The following ZNF334 variants were observed in gnomAD, a reference collection of about 807,000 sequenced individuals.
The protein encoded by ZNF334 is zinc finger protein 334.
In ZNF334, 14 loss-of-function variants were observed where a neutral mutation model predicts 12.4. That is an observed-to-expected ratio of 1.13 (90% confidence interval 0.74 to 1.76). ZNF334 has a LOEUF of 1.76. Among genes scored for constraint, ZNF334 ranks in the 40% most tolerant of loss-of-function variants. The probability of loss-of-function intolerance (pLI) is 0.00; values close to 1 mark genes in which losing one functional copy is unlikely to be tolerated. For synonymous variants in ZNF334, 273 were observed against 269.6 expected (o/e 1.01, Z -0.12); for missense variants, 797 against 804.5 (o/e 0.99, Z 0.11).
At chr20:46,471,783 C>T in the ZNF334 span, among the ~76,000 whole-genome samples, 2 of 152,046 alleles carry the variant, frequency 1.3e-5, no homozygotes, top group Non-Finnish European at 2.9e-5. Flanking sequence ...TTGTTTCTTT[C>T]CTTTAATTAT....
downstream of ZNF334, among the ~76,000 whole-genome samples, chr20:46,498,605 G>A (rs1018068137): frequency 2.0e-5 from 3 of 152,174 alleles, no homozygotes; most frequent in Non-Finnish European, 2.9e-5. Flanking sequence ...CAATGAGATA[G>A]TAAATGTTTA....
Position 46,502,682 on chromosome 20 carries a change from G to C in ZNF334, c.657C>G (p.Phe219Leu), listed in dbSNP as rs767378245. 1 of 1,612,748 alleles carries C rather than the reference G, an allele frequency of 6.2e-7. No homozygotes were observed. The highest frequency in any genetic ancestry group is 1.7e-5 in the Admixed American group (1 of 59,990). The change falls in exon 5 of 5, where the codon TTC becomes TTG. Residue 219 changes from phenylalanine (F) to leucine (L), a missense_variant. Phe to Leu is a conservative substitution (Grantham distance 22). Transcript: ENST00000692313. ...FDYNKCGKTF[F>L]KRAILITQKG... Reference sequence around the variant, plus strand: ...TTTGTGTAATGAGAATTGCCCTCTTGAAGAAGGTTTTCCCACATTTATTAT... The same window carrying C: ...TTTGTGTAATGAGAATTGCCCTCTTCAAGAAGGTTTTCCCACATTTATTAT...
chr20:46,502,124 A>G lies in ZNF334; in HGVS notation c.1215T>C (p.Tyr405=), dbSNP rs200619872. Reference sequence around the variant, plus strand: ...AGGTTTTCTCACATTCACTACATTCATAGGGTTTTTCCCCTGTGTGAATTC... The same window carrying G: ...AGGTTTTCTCACATTCACTACATTCGTAGGGTTTTTCCCCTGTGTGAATTC... ...HQRIHTGEKP[Y]ECSECEKTFF... Residue 405 remains tyrosine (Y), a synonymous_variant, in exon 5 of 5, where the codon TAT becomes TAC. Transcript: ENST00000692313. The G allele has an allele frequency of 2.4e-5, 38 of 1,614,196 alleles. No individual in the cohort carries two copies. In the Admixed American group the frequency reaches 3.7e-4, roughly 16 times the overall value.
At chr20:46,506,368 A>G (rs2061431687) in intron 2 of ZNF334, 5 of 607,206 alleles carry the variant, frequency 8.2e-6, no homozygotes, top group Non-Finnish European at 1.2e-5. Flanking sequence ...GCGCACACCT[A>G]TAATCCCAGC....
the ZNF334 span, among the ~76,000 whole-genome samples, chr20:46,482,859 T>A: frequency 6.6e-6 from 1 of 152,194 alleles, no homozygotes. Context: ...CAGTGTGAAT[T>A]GTCCTGTTTT....
chr20:46,465,935 C>T, the ZNF334 span, among the ~76,000 whole-genome samples: 5 of 150,572 alleles, frequency 3.3e-5, no homozygotes, highest in African/African-American at 9.8e-5. Context: ...GCCTGAGCGA[C>T]AGAGCGAAAC....
chr20:46,468,231 T>C, the ZNF334 span, among the ~76,000 whole-genome samples: 883 of 151,910 alleles, frequency 5.8e-3, 6 homozygotes, highest in African/African-American at 0.02. Context: ...AGGTGGTGTG[T>C]CCAGAGTAGC....
rs368805110 is a variant in ZNF334 at position 46,508,583 on chromosome 20, G to A, written c.21+3499C>T. Among the ~76,000 whole-genome samples, 16 of 152,324 alleles carry A rather than the reference G, an allele frequency of 1.1e-4. No homozygotes were observed. In the East Asian group the frequency reaches 1.5e-3, roughly 15 times the overall value. ...AGGAGACTAAATGCAGACCACCATC[G>A]TTCTTCAGAGGGGCTCAATGTGGGT... On this transcript the variant is annotated intron_variant, in intron 2 of 4. Transcript: ENST00000692313.
chr20:46,499,633 G>A lies in ZNF334; in HGVS notation c.*1663C>T, dbSNP rs6065999. 6.6e-6 allele frequency: 1 copy of A among 151,988 alleles called. No individual in the cohort carries two copies. Among genetic ancestry groups the A allele is most frequent in the East Asian group, 1.9e-4 (1 of 5,186 alleles). 9.4% of individuals were successfully genotyped at this position (151,988 alleles called of 1,614,324 possible). A position where few individuals can be genotyped will look rare whatever the true frequency, so the allele number is the denominator to read the frequency against. On this transcript the variant is annotated 3_prime_UTR_variant, in exon 5 of 5. Transcript: ENST00000692313. ...TTAGACAAATTTGGCACAAAAATTA[G>A]GTATTTTTGTTTTTCTTTACTCTAT... is the stretch of plus-strand genomic sequence containing the variant.
chr20:46,470,230 G>A, the ZNF334 span, among the ~76,000 whole-genome samples: 2 of 152,158 alleles, frequency 1.3e-5, no homozygotes, highest in East Asian at 3.8e-4. Flanking sequence ...CCCCTGGCTG[G>A]CTGCCAATTC....
At chr20:46,485,469 G>A in the ZNF334 span, 1 of 151,474 alleles carries the variant, frequency 6.6e-6, no homozygotes, top group Admixed American at 6.6e-5. Context: ...TCTGGAGAGA[G>A]ACTGATTTTC....
the ZNF334 span, chr20:46,492,446 A>T: frequency 6.5e-6 from 1 of 153,940 alleles, no homozygotes; most frequent in Non-Finnish European, 1.5e-5. Flanking sequence ...TCAACATAAA[A>T]AAATTCATAC....
At chr20:46,485,064 G>GGA in the ZNF334 span, 1 of 167,468 alleles carries the variant, frequency 6.0e-6, no homozygotes, top group African/African-American at 2.4e-5. Context: ...CCTGGATGAT[G>GGA]GAGAGAGAGG....
chr20:46,505,433 A>T (rs920481668), intron 2 of ZNF334: 3 of 153,364 alleles, frequency 2.0e-5, no homozygotes, highest in Admixed American at 1.3e-4. Flanking sequence ...ACTAATATCA[A>T]TAAAGCTTAA....
the ZNF334 span, among the ~76,000 whole-genome samples, chr20:46,482,840 C>A: frequency 2.0e-5 from 3 of 152,108 alleles, no homozygotes; most frequent in Non-Finnish European, 4.4e-5. Context: ...ACATCTGCAA[C>A]GTGTTCTACA....
chr20:46,474,100 C>T, the ZNF334 span, among the ~76,000 whole-genome samples: 35,291 of 152,108 alleles, frequency 0.23, 4,401 homozygotes, highest in African/African-American at 0.32. Flanking sequence ...CAAGGCCGGG[C>T]GCTGTGGCTC....
At chr20:46,487,761 T>A in the ZNF334 span, among the ~76,000 whole-genome samples, 62,769 of 152,158 alleles carry the variant, frequency 0.41, 14,948 homozygotes, top group African/African-American at 0.66. Context: ...TGTATTTTCC[T>A]AACGTCTACT....
At chr20:46,467,204 A>G in the ZNF334 span, among the ~76,000 whole-genome samples, 1 of 152,240 alleles carries the variant, frequency 6.6e-6, no homozygotes, top group Non-Finnish European at 1.5e-5. Flanking sequence ...AAGAAAAAAT[A>G]TACAATGTAG....
the ZNF334 span, chr20:46,464,220 C>A: frequency 1.9e-6 from 1 of 532,398 alleles, no homozygotes; most frequent in East Asian, 4.7e-5. Context: ...AATCCCTGCA[C>A]GCCTGGCTGC....
Sources: gnomAD v4.1 joint callset for allele counts (sites outside exome capture counted in the v4.1 genomes callset) on GRCh38, gnomAD v4.1.1 for gene constraint, MANE v1.5 for transcripts, NCBI Gene and HGNC (gene_info 2026-07-23, HGNC 2026-07-21) for gene names.